Variants in IQGAP2 observed in about 807,000 individuals in gnomAD.
IQGAP2 encodes the protein ras GTPase-activating-like protein IQGAP2.
Under a neutral mutation model 201.3 loss-of-function variants are expected in IQGAP2, and 173 were observed. The ratio of observed to expected loss-of-function variants is 0.86; its 90% CI spans 0.76 to 0.98. IQGAP2 has a LOEUF of 0.98. Among genes scored for constraint, IQGAP2 ranks in the 50% least tolerant of loss-of-function variants. The pLI is 0.00. For missense variants in IQGAP2, 1,687 were observed against 1,864.8 expected (o/e 0.90, Z 1.76); for synonymous variants, 675 against 673.9 (o/e 1.00, Z -0.03).
chr5:76,608,841 A>T (rs1169324050), intron 12 of IQGAP2: 2 of 311,516 alleles, frequency 6.4e-6, no homozygotes, highest in Admixed American at 4.0e-5. Flanking sequence ...TTTGGTAGGT[A>T]CAATTCTGTG....
At position 76,611,044 on chromosome 5, in the gene IQGAP2, A is replaced by T. The variant is rs201516054; in HGVS notation, c.1382A>T (p.Asn461Ile). Reference protein sequence around the residue: ...NDRVVAVGYINEAIDEGNPLR... With the variant: ...NDRVVAVGYIIEAIDEGNPLR... ...GGAGTTGTAGCTGTAGGGTACATCA[A>T]TGAAGCTATTGATGAAGGGAATCCT... Residue 461 changes from asparagine to isoleucine, a missense_variant, in exon 13 of 36, where the codon AAT becomes ATT. By Grantham distance (149) the Asn-to-Ile change is moderately radical (BLOSUM62 -3). Coordinates refer to ENST00000274364, the MANE Select transcript of IQGAP2 (RefSeq NM_006633.5). The T allele has an allele frequency of 1.2e-6, 2 of 1,613,610 alleles. No individual in the cohort carries two copies. The highest frequency in any genetic ancestry group is 4.5e-5 in the East Asian group (2 of 44,878).
chr5:76,519,592 T>G (rs533144875), intron 2 of IQGAP2, among the ~76,000 whole-genome samples: 1 of 152,354 alleles, frequency 6.6e-6, no homozygotes, highest in Admixed American at 6.5e-5. Flanking sequence ...TATGGTTAAC[T>G]TTATAATAAA....
intron 2 of IQGAP2, among the ~76,000 whole-genome samples, chr5:76,534,452 C>T (rs1759505032): frequency 6.6e-6 from 1 of 152,194 alleles, no homozygotes; most frequent in Non-Finnish European, 1.5e-5. Context: ...GATGAGAAAA[C>T]AGTTGTAGGC....
Position 76,637,099 on chromosome 5 carries a change from G to C in IQGAP2, c.1846G>C (p.Asp616His). 5.0e-6 allele frequency: 8 copies of C among 1,611,616 alleles called. No homozygotes were observed. The highest frequency in any genetic ancestry group is 6.8e-6 in the Non-Finnish European group (8 of 1,178,136). The change falls in exon 16 of 36, where the codon GAT becomes CAT. Residue 616 changes from aspartate (D) to histidine (H), a missense_variant. Asp to His is a moderately conservative substitution (Grantham distance 81). Coordinates refer to ENST00000274364, the MANE Select transcript of IQGAP2 (RefSeq NM_006633.5). Reference protein sequence around the residue: ...HKKYDYYYNTDSKESSWVTPE... With the variant: ...HKKYDYYYNTHSKESSWVTPE... ...AAAATATGACTACTATTACAACACT[G>C]ATTCAAAAGAGAGTTCCTGGGTCAC...
rs1748057941 is a variant in IQGAP2 at position 76,708,055 on chromosome 5, A to C, written c.*742A>C. 1 of 152,662 alleles carries C rather than the reference A, an allele frequency of 6.6e-6. No individual in the cohort carries two copies. Among genetic ancestry groups the C allele is most frequent in the Non-Finnish European group, 1.5e-5 (1 of 68,044 alleles). 9.5% of individuals were successfully genotyped at this position (152,662 alleles called of 1,614,324 possible). On this transcript the variant is annotated 3_prime_UTR_variant, in exon 36 of 36. Coordinates refer to ENST00000274364, the MANE Select transcript of IQGAP2 (RefSeq NM_006633.5). ...CTCTCAATTTTTTGTAATGCTAAAA[A>C]ATCAGTATCTAGATGGTTTTTAAAT...
intron 35 of IQGAP2, 96 bp from the exon 36 acceptor site, chr5:76,707,104 A>G (rs1482506154): frequency 1.0e-5 from 7 of 700,880 alleles, no homozygotes; most frequent in Admixed American, 2.2e-5. Context: ...GATTAGGTCA[A>G]TTGAATCTGA....
chr5:76,673,523 T>C lies in IQGAP2; in HGVS notation c.3143T>C (p.Ile1048Thr), dbSNP rs757485455. ...GTGAAAAATAAACTGGAGGCTTCCA[T>C]TGAGAACCTGAGAAGGGTCACCGAC... ...PEVKNKLEAS[I>T]ENLRRVTDKV... The change falls in exon 25 of 36, where the codon ATT becomes ACT. Residue 1048 changes from isoleucine (I) to threonine (T), a missense_variant. Physicochemically the swap from Ile to Thr is moderately conservative, Grantham distance 89. Coordinates refer to ENST00000274364, the MANE Select transcript of IQGAP2 (RefSeq NM_006633.5). 35 of 1,613,930 alleles carry C rather than the reference T, an allele frequency of 2.2e-5. No individual in the cohort carries two copies. Among genetic ancestry groups the C allele is most frequent in the African/African-American group, 1.2e-4 (9 of 74,928 alleles).
intron 2 of IQGAP2, among the ~76,000 whole-genome samples, chr5:76,551,894 G>A (rs2150236501): frequency 6.9e-6 from 1 of 145,496 alleles, no homozygotes; most frequent in East Asian, 2.1e-4. Flanking sequence ...GGAGGGGAGG[G>A]GGAGGGGAGG....
chr5:76,608,791 A>G (rs1748015296), intron 12 of IQGAP2: 2 of 210,684 alleles, frequency 9.5e-6, no homozygotes, highest in Admixed American at 5.0e-5. Context: ...CTTATAGCCT[A>G]CATCAGGAAG....
chr5:76,641,526 CCT>C (rs1751583048), intron 17 of IQGAP2, among the ~76,000 whole-genome samples: 1 of 152,158 alleles, frequency 6.6e-6, no homozygotes, highest in African/African-American at 2.4e-5. Context: ...ACAGATTTAG[CCT>C]CTCTAAGAAT....
Position 76,581,515 on chromosome 5 carries a change from C to A in IQGAP2, c.458+5746C>A, listed in dbSNP as rs935943247. On this transcript the variant is annotated intron_variant, in intron 5 of 35. Coordinates refer to ENST00000274364, the MANE Select transcript of IQGAP2 (RefSeq NM_006633.5). Reference sequence around the variant, plus strand: ...TCAGAATTCTCTCTGTGCTCTGAACCATTCCTTTCCCTTTCCTCCTCTTTC... The same window carrying A: ...TCAGAATTCTCTCTGTGCTCTGAACAATTCCTTTCCCTTTCCTCCTCTTTC... Among the ~76,000 whole-genome samples the A allele has an allele frequency of 2.0e-5, 3 of 152,122 alleles. No individual in the cohort carries two copies. The South Asian group carries it at 6.2e-4, about 31-fold the overall frequency.
intron 2 of IQGAP2, among the ~76,000 whole-genome samples, chr5:76,503,183 T>G (rs1757383259): frequency 6.7e-6 from 1 of 148,482 alleles, no homozygotes; most frequent in Admixed American, 6.7e-5. Context: ...TCTTTTTTTT[T>G]TTTTTTTTGA....
intron 3 of IQGAP2, among the ~76,000 whole-genome samples, chr5:76,563,353 C>A (rs1350927817): frequency 6.6e-6 from 1 of 152,000 alleles, no homozygotes; most frequent in Non-Finnish European, 1.5e-5. Context: ...TAATAAAAAT[C>A]CCGATTTTTT....
At chr5:76,672,021 T>G (rs1580781860) in intron 24 of IQGAP2, 38 bp downstream of exon 24, 1 of 1,456,326 alleles carries the variant, frequency 6.9e-7, no homozygotes, top group Non-Finnish European at 9.5e-7. Flanking sequence ...TCTGTTATGT[T>G]TTATGATATT....
intron 2 of IQGAP2, among the ~76,000 whole-genome samples, chr5:76,538,954 G>A (rs955545466): frequency 5.9e-5 from 9 of 152,188 alleles, no homozygotes; most frequent in African/African-American, 2.2e-4. Flanking sequence ...TGTTCTGATG[G>A]TGGGGTGTCT....
At chr5:76,679,051 A>G (rs1342333816) in intron 28 of IQGAP2, among the ~76,000 whole-genome samples, 1 of 152,214 alleles carries the variant, frequency 6.6e-6, no homozygotes. Context: ...AGAAATAATT[A>G]TCTACTGGAC....
chr5:76,479,041 C>T (rs1755616051), intron 2 of IQGAP2, among the ~76,000 whole-genome samples: 1 of 152,114 alleles, frequency 6.6e-6, no homozygotes, highest in Non-Finnish European at 1.5e-5. Flanking sequence ...AGGGCACCTC[C>T]TGAGCCTGGC....
At chr5:76,535,722 A>G (rs1008114788) in intron 2 of IQGAP2, among the ~76,000 whole-genome samples, 1 of 152,094 alleles carries the variant, frequency 6.6e-6, no homozygotes, top group Admixed American at 6.5e-5. Context: ...TACTACTGTT[A>G]TTTTGTTTGT....
intron 2 of IQGAP2, among the ~76,000 whole-genome samples, chr5:76,489,004 G>T (rs945636023): frequency 6.6e-6 from 1 of 152,144 alleles, no homozygotes; most frequent in African/African-American, 2.4e-5. Context: ...ATCATTCAGG[G>T]TCACACGACT....
Sources: gnomAD v4.1 joint callset for allele counts (sites outside exome capture counted in the v4.1 genomes callset) on GRCh38, gnomAD v4.1.1 for gene constraint, MANE v1.5 for transcripts, NCBI Gene and HGNC (gene_info 2026-07-23, HGNC 2026-07-21) for gene names.